MLIP: variants seen among roughly 807,000 people sequenced by gnomAD.
MLIP encodes the protein muscular LMNA interacting protein.
MLIP carries 79 observed loss-of-function variants against 84.8 expected under a neutral mutation model. That is an observed-to-expected ratio of 0.93 (90% confidence interval 0.78 to 1.12). MLIP has a LOEUF of 1.12. Among genes scored for constraint, MLIP ranks in the 50% most tolerant of loss-of-function variants. MLIP has a pLI of 0.00. For missense variants in MLIP, 1,257 were observed against 1,160.6 expected (o/e 1.08, Z -1.21); for synonymous variants, 504 against 463.0 (o/e 1.09, Z -1.14).
At chr6:54,093,777 T>C (rs1221988955) in intron 1 of MLIP, among the ~76,000 whole-genome samples, 1 of 152,234 alleles carries the variant, frequency 6.6e-6, no homozygotes, top group Non-Finnish European at 1.5e-5. Flanking sequence ...AAAGGCTGTA[T>C]TGGAACATAG....
intron 12 of MLIP, among the ~76,000 whole-genome samples, chr6:54,235,448 A>G (rs777922946): frequency 6.6e-6 from 1 of 151,912 alleles, no homozygotes; most frequent in Non-Finnish European, 1.5e-5. Flanking sequence ...TCTCCTTTCA[A>G]TTTCTATACT....
intron 11 of MLIP, chr6:54,217,700 A>G (rs1393006119): frequency 2.0e-6 from 2 of 984,922 alleles, no homozygotes; most frequent in East Asian, 1.1e-4. Context: ...TTGAAAGAGG[A>G]CAATTCTCAA....
intron 8 of MLIP, among the ~76,000 whole-genome samples, chr6:54,166,603 T>C (rs1335572847): frequency 6.6e-6 from 1 of 151,956 alleles, no homozygotes; most frequent in East Asian, 1.9e-4. Context: ...CATTTCTTAG[T>C]CTCCTTTGCT....
intron 1 of MLIP, among the ~76,000 whole-genome samples, chr6:54,084,157 CT>C (rs919403725): frequency 6.6e-6 from 1 of 152,094 alleles, no homozygotes; most frequent in South Asian, 2.1e-4. Flanking sequence ...CTTCCTTGAA[CT>C]TTTTTGCTCC....
chr6:54,164,504 C>G (rs543629160), intron 8 of MLIP, among the ~76,000 whole-genome samples: 1 of 151,938 alleles, frequency 6.6e-6, no homozygotes, highest in East Asian at 1.9e-4. Context: ...AAACTCCATC[C>G]TTTTAGTTTA....
chr6:54,232,808 T>C (rs1269630230), intron 12 of MLIP, among the ~76,000 whole-genome samples: 1 of 152,242 alleles, frequency 6.6e-6, no homozygotes, highest in Non-Finnish European at 1.5e-5. Context: ...CTTTGCCTAC[T>C]GGCCTATCTC....
chr6:54,264,809 T>A (rs1783593095), intron 13 of MLIP, among the ~76,000 whole-genome samples: 1 of 152,132 alleles, frequency 6.6e-6, no homozygotes, highest in Non-Finnish European at 1.5e-5. Flanking sequence ...TACTTCTTAC[T>A]TTTTGCCTGT....
rs528376505 is a variant in MLIP at position 54,145,321 on chromosome 6, A to G, written c.2218-3735A>G. The stretch of plus-strand genomic sequence containing the variant: ...TGTTTCAAATTAGAATAAAAAATTC[A>G]TATTTAGATCGAGTACATATTGTTA... On this transcript the variant is annotated intron_variant, in intron 4 of 13. Coordinates refer to ENST00000502396, the MANE Select transcript of MLIP (RefSeq NM_001281747.2). Among the ~76,000 whole-genome samples, 13 of 152,336 alleles carry G rather than the reference A, an allele frequency of 8.5e-5. 1 individual carries two copies.
At chr6:54,233,410 T>C (rs150902397) in intron 12 of MLIP, among the ~76,000 whole-genome samples, 1 of 151,930 alleles carries the variant, frequency 6.6e-6, no homozygotes, top group East Asian at 1.9e-4. Flanking sequence ...CTCCCACTTA[T>C]GAGTGAGAAC....
chr6:54,239,382 AAT>A (rs941600506), intron 12 of MLIP, among the ~76,000 whole-genome samples: 15 of 141,456 alleles, frequency 1.1e-4, no homozygotes, highest in Non-Finnish European at 1.6e-4. Flanking sequence ...ATATATATAT[AAT>A]ATATATATAC....
chr6:54,237,053 T>C (rs992227186), intron 12 of MLIP, among the ~76,000 whole-genome samples: 2 of 151,918 alleles, frequency 1.3e-5, no homozygotes, highest in African/African-American at 4.8e-5. Flanking sequence ...TGAGGGTGAT[T>C]GTACCTTTGT....
intron 1 of MLIP, among the ~76,000 whole-genome samples, chr6:54,023,041 C>T (rs969158215): frequency 2.0e-5 from 3 of 151,952 alleles, no homozygotes; most frequent in African/African-American, 7.3e-5. Flanking sequence ...GTGGCAGGCA[C>T]CTGTAGTCCC....
chr6:54,149,250 T>G, intron 5 of MLIP, 123 bp downstream of exon 5: 1 of 857,288 alleles, frequency 1.2e-6, no homozygotes, highest in Non-Finnish European at 1.8e-6. Context: ...TAACATTCCA[T>G]TCTTAGTTTA....
At chr6:54,083,729 G>A in intron 1 of MLIP, 1 of 1,268,234 alleles carries the variant, frequency 7.9e-7, no homozygotes, top group Non-Finnish European at 1.1e-6. Context: ...TATTGCAGTA[G>A]TTATGTTTTA....
chr6:54,146,545 AT>A (rs940329701), intron 4 of MLIP, among the ~76,000 whole-genome samples: 1 of 152,188 alleles, frequency 6.6e-6, no homozygotes, highest in African/African-American at 2.4e-5. Flanking sequence ...CAGGAAGCAT[AT>A]TTTGGCTCAA....
intron 1 of MLIP, among the ~76,000 whole-genome samples, chr6:54,069,750 G>C (rs1323176105): frequency 1.1e-4 from 11 of 98,472 alleles, no homozygotes; most frequent in African/African-American, 2.8e-4. Flanking sequence ...CGTCTATATG[G>C]AGGGCCAACT....
At chr6:54,228,385 T>G (rs1465728809) in intron 11 of MLIP, among the ~76,000 whole-genome samples, 1 of 152,120 alleles carries the variant, frequency 6.6e-6, no homozygotes, top group East Asian at 1.9e-4. Flanking sequence ...CCTTTCATCT[T>G]TGTATTGTAT....
At chr6:54,052,435 A>T (rs1168570039) in intron 1 of MLIP, among the ~76,000 whole-genome samples, 1 of 152,192 alleles carries the variant, frequency 6.6e-6, no homozygotes, top group African/African-American at 2.4e-5. Context: ...TAAGGAAAGG[A>T]AAGGTTTAGA....
At chr6:54,124,948 C>T in intron 3 of MLIP, 83 bp downstream of exon 3, 1 of 1,243,712 alleles carries the variant, frequency 8.0e-7, no homozygotes, top group Non-Finnish European at 1.1e-6. Flanking sequence ...AAAGGCCATC[C>T]TGTTTAAGGC....
Sources: allele counts gnomAD v4.1 joint callset (sites outside exome capture counted in the v4.1 genomes callset), GRCh38; gene constraint gnomAD v4.1.1; transcripts MANE v1.5; gene names NCBI Gene and HGNC (gene_info 2026-07-23, HGNC 2026-07-21).